ME3: variants seen among roughly 807,000 people sequenced by gnomAD.
ME3 encodes the protein malic enzyme 3.
ME3 carries 48 observed loss-of-function variants against 68.9 expected under a neutral mutation model. The observed-to-expected ratio is 0.70, with a 90% CI of 0.55 to 0.89. The LOEUF (loss-of-function observed/expected upper bound fraction) is 0.89. Among genes scored for constraint, ME3 ranks in the 40% least tolerant of loss-of-function variants. ME3 has a pLI of 0.00. For missense variants in ME3, 675 were observed against 797.4 expected, an observed-to-expected ratio of 0.85 and a Z score of 1.85; for synonymous variants, 320 against 318.8, an observed-to-expected ratio of 1.00 and a Z score of -0.04.
intron 4 of ME3, among the ~76,000 whole-genome samples, chr11:86,511,999 C>A (rs661083): frequency 0.089 from 13,600 of 152,114 alleles, 803 homozygotes; most frequent in East Asian, 0.26. Context: ...TGCCCATTCC[C>A]TAGCCTCCTG....
chr11:86,541,432 T>C (rs914128521), intron 4 of ME3, among the ~76,000 whole-genome samples: 1 of 152,184 alleles, frequency 6.6e-6, no homozygotes, highest in African/African-American at 2.4e-5. Flanking sequence ...CAGTCTGAAG[T>C]TGACCTGGGA....
At chr11:86,670,354 T>G (rs1946843673) in intron 2 of ME3, among the ~76,000 whole-genome samples, 1 of 152,050 alleles carries the variant, frequency 6.6e-6, no homozygotes, top group Non-Finnish European at 1.5e-5. Flanking sequence ...AGAGGCAGAG[T>G]AGAGAGCCAG....
At chr11:86,578,398 G>A (rs1958239509) in intron 2 of ME3, among the ~76,000 whole-genome samples, 1 of 152,024 alleles carries the variant, frequency 6.6e-6, no homozygotes, top group South Asian at 2.1e-4. Flanking sequence ...GATGAACTGT[G>A]ACCAGAAGGA....
chr11:86,575,856 CTG>C (rs1236448250), intron 2 of ME3, among the ~76,000 whole-genome samples: 2 of 152,192 alleles, frequency 1.3e-5, no homozygotes, highest in African/African-American at 2.4e-5. Context: ...GAATGAAAGT[CTG>C]TGAGTCCCAC....
intron 2 of ME3, among the ~76,000 whole-genome samples, chr11:86,571,432 T>G (rs1204042084): frequency 2.0e-5 from 3 of 152,178 alleles, no homozygotes; most frequent in Non-Finnish European, 4.4e-5. Context: ...AACAGCAACA[T>G]TAGTCTGCTC....
chr11:86,479,081 C>T (rs1167347138), intron 7 of ME3, among the ~76,000 whole-genome samples: 2 of 152,184 alleles, frequency 1.3e-5, no homozygotes, highest in Non-Finnish European at 2.9e-5. Context: ...AAGATTCACC[C>T]TCACCCCATA....
chr11:86,659,885 T>C (rs776004630), intron 2 of ME3, among the ~76,000 whole-genome samples: 2 of 152,176 alleles, frequency 1.3e-5, no homozygotes, highest in African/African-American at 2.4e-5. Flanking sequence ...AATCGATAGA[T>C]AGATCCAAAT....
intron 2 of ME3, among the ~76,000 whole-genome samples, chr11:86,613,836 C>T (rs2212340): frequency 1.3e-5 from 2 of 151,806 alleles, no homozygotes; most frequent in South Asian, 2.1e-4. Flanking sequence ...AACAAATGGA[C>T]AAACGTTCCA....
At chr11:86,457,783 A>G (rs1385937160) in intron 8 of ME3, 2 of 1,262,038 alleles carry the variant, frequency 1.6e-6, no homozygotes, top group Non-Finnish European at 2.1e-6. Flanking sequence ...AAGAAAAAGA[A>G]GTTTTTTTTT....
intron 4 of ME3, among the ~76,000 whole-genome samples, chr11:86,509,775 A>T (rs1409740250): frequency 8.3e-6 from 1 of 120,850 alleles, no homozygotes; most frequent in East Asian, 2.4e-4. Context: ...AAAAAAAAAA[A>T]GTACAGCTGG....
chr11:86,526,120 CAAAG>C (rs1446326205), intron 4 of ME3, among the ~76,000 whole-genome samples: 1 of 152,212 alleles, frequency 6.6e-6, no homozygotes, highest in Non-Finnish European at 1.5e-5. Context: ...CTTTCCTAGT[CAAAG>C]AAAGGGGTGA....
At chr11:86,493,090 A>G (rs1225604658) in intron 6 of ME3, among the ~76,000 whole-genome samples, 4 of 152,200 alleles carry the variant, frequency 2.6e-5, no homozygotes, top group South Asian at 2.1e-4. Flanking sequence ...AGTGAGCTCT[A>G]TGATGGCACC....
At chr11:86,669,928 C>A (rs989096093) in intron 2 of ME3, among the ~76,000 whole-genome samples, 2 of 152,128 alleles carry the variant, frequency 1.3e-5, no homozygotes, top group African/African-American at 4.8e-5. Flanking sequence ...ATGATTGGAG[C>A]CTGTAGTGGG....
intron 7 of ME3, among the ~76,000 whole-genome samples, chr11:86,477,327 T>C (rs1951135710): frequency 6.7e-6 from 1 of 148,356 alleles, no homozygotes; most frequent in Non-Finnish European, 1.5e-5. Context: ...TTGTACTTTG[T>C]AAACTTCAGT....
At chr11:86,635,947 A>G (rs1259918667) in intron 2 of ME3, among the ~76,000 whole-genome samples, 1 of 152,136 alleles carries the variant, frequency 6.6e-6, no homozygotes, top group Non-Finnish European at 1.5e-5. Context: ...TGGCTTGATA[A>G]TTTCTTTCCC....
At chr11:86,662,971 T>C (rs1349740973) in intron 2 of ME3, among the ~76,000 whole-genome samples, 3 of 152,124 alleles carry the variant, frequency 2.0e-5, no homozygotes, top group Non-Finnish European at 4.4e-5. Context: ...TATAGAGATG[T>C]AGACTCCCTC....
chr11:86,549,579 C>T (rs190604883), intron 4 of ME3, among the ~76,000 whole-genome samples: 2 of 152,306 alleles, frequency 1.3e-5, no homozygotes, highest in South Asian at 2.1e-4. Flanking sequence ...CCCGGCCACA[C>T]GGGGTACACG....
At chr11:86,546,308 A>G (rs899123716) in intron 4 of ME3, among the ~76,000 whole-genome samples, 3 of 152,258 alleles carry the variant, frequency 2.0e-5, no homozygotes, top group African/African-American at 7.2e-5. Context: ...GCCAAAATTG[A>G]TAACTGTGAT....
chr11:86,473,630 A>G (rs554768501), intron 7 of ME3, among the ~76,000 whole-genome samples: 2 of 152,286 alleles, frequency 1.3e-5, no homozygotes, highest in East Asian at 1.9e-4. Flanking sequence ...ACACAGTCAG[A>G]TGTCATAGGA....
Sources: gnomAD v4.1 joint callset for allele counts (sites outside exome capture counted in the v4.1 genomes callset) on GRCh38, gnomAD v4.1.1 for gene constraint, MANE v1.5 for transcripts, NCBI Gene and HGNC (gene_info 2026-07-23, HGNC 2026-07-21) for gene names.